Variants in API5 observed in about 807,000 individuals in gnomAD.
API5 encodes apoptosis inhibitor 5.
API5 carries 6 observed loss-of-function variants against 71.9 expected under a neutral mutation model. The ratio of observed to expected loss-of-function variants is 0.08; its 90% CI spans 0.05 to 0.16. The LOEUF (loss-of-function observed/expected upper bound fraction) is 0.16, where lower values mean the gene tolerates loss of function less well. Ranked by LOEUF, API5 falls within the 10% of genes least tolerant of loss-of-function variation. The probability of loss-of-function intolerance (pLI) is 1.00; values close to 1 mark genes in which losing one functional copy is unlikely to be tolerated. For missense variants in API5, 332 were observed against 612.8 expected (o/e 0.54, Z 4.84); for synonymous variants, 189 against 221.3 (o/e 0.85, Z 1.30).
rs1590279142 is a variant in API5, at chr11:43,342,650, A to G, written c.*140A>G. 3 of 844,562 alleles carry G rather than the reference A, an allele frequency of 3.6e-6. No individual in the cohort carries two copies. Among genetic ancestry groups the G allele is most frequent in the Non-Finnish European group, 5.9e-6 (3 of 510,128 alleles). 52.3% of individuals were successfully genotyped at this position (844,562 alleles called of 1,614,324 possible). On this transcript the variant is annotated 3_prime_UTR_variant, in exon 14 of 14. Coordinates refer to ENST00000531273, the MANE Select transcript of API5 (RefSeq NM_001142930.2). ...TAATGTTCTTTATACCTTTGTATGT[A>G]TGACCTACTTTTGTAACAGACCATG...
chr11:43,335,874 G>A lies in API5; in HGVS notation c.1372G>A (p.Glu458Lys), dbSNP rs778839124. 124 of 1,610,130 alleles carry A rather than the reference G, an allele frequency of 7.7e-5. No homozygotes were observed. The highest frequency in any genetic ancestry group is 9.7e-5 in the Non-Finnish European group (114 of 1,179,140). ...KVEIGQKRAS[E>K]DTTSGSPPKK... ...TTGTTACAGGCAAAAGAGAGCCAGT[G>A]AAGATACAACTTCAGGTTCACCACC... The change falls in exon 13 of 14, where the codon GAA (glutamate) becomes AAA (lysine). Residue 458 changes from glutamate (E) to lysine (K), a missense_variant. By Grantham distance (56) the Glu-to-Lys change is moderately conservative. This residue lies in a region of API5 where 168 missense variants were observed against 343.9 expected (regional missense o/e 0.49). Transcript: ENST00000531273.
chr11:43,336,135 TGAG>T (rs1855425898), intron 13 of API5, 141 bp downstream of exon 13: 1 of 1,123,616 alleles, frequency 8.9e-7, no homozygotes, highest in East Asian at 2.6e-5. Flanking sequence ...CTAGGGCTGT[TGAG>T]GAAATGATTT....
At chr11:43,341,680 A>G (rs894628163) in intron 13 of API5, among the ~76,000 whole-genome samples, 2 of 152,294 alleles carry the variant, frequency 1.3e-5, no homozygotes, top group African/African-American at 2.4e-5. Context: ...TAGCATGACT[A>G]TAGTTAATAT....
intron 13 of API5, among the ~76,000 whole-genome samples, chr11:43,338,086 A>C (rs1855494209): frequency 6.6e-6 from 1 of 152,230 alleles, no homozygotes; most frequent in African/African-American, 2.4e-5. Context: ...GGCAAAGCAA[A>C]GTAAACATGC....
intron 2 of API5, among the ~76,000 whole-genome samples, chr11:43,319,446 A>G (rs1276979650): frequency 6.6e-6 from 1 of 152,144 alleles, no homozygotes; most frequent in Non-Finnish European, 1.5e-5. Flanking sequence ...TGCTTTTTTA[A>G]TAGAAACAGG....
chr11:43,315,317 T>C (rs773972759), intron 1 of API5, among the ~76,000 whole-genome samples: 54 of 152,310 alleles, frequency 3.5e-4, no homozygotes, highest in Middle Eastern at 6.8e-3. Context: ...TAATAATGCT[T>C]CAGACTTGTA....
intron 13 of API5, among the ~76,000 whole-genome samples, chr11:43,340,388 A>G (rs1354323758): frequency 2.6e-5 from 4 of 152,152 alleles, no homozygotes; most frequent in Non-Finnish European, 5.9e-5. Context: ...TACAACTTCT[A>G]TCAAAATAAC....
At chr11:43,320,749 A>T (rs1854860513) in intron 2 of API5, 72 bp from the exon 3 acceptor site, 2 of 1,296,686 alleles carry the variant, frequency 1.5e-6, no homozygotes, top group African/African-American at 3.0e-5. Flanking sequence ...AAAAAAAGAA[A>T]GAAAAGAAAA....
intron 11 of API5, among the ~76,000 whole-genome samples, chr11:43,334,683 A>G (rs1855370322): frequency 6.6e-6 from 1 of 152,186 alleles, no homozygotes; most frequent in African/African-American, 2.4e-5. Context: ...ACATTCAGCA[A>G]ACATTTGCAT....
chr11:43,330,471 A>G, intron 10 of API5, 37 bp from the exon 11 acceptor site: 8 of 1,429,610 alleles, frequency 5.6e-6, no homozygotes, highest in Non-Finnish European at 7.9e-6. Context: ...CATAGAAGTT[A>G]TTGGCAATTT....
chr11:43,320,484 C>T (rs1483348650), intron 2 of API5, among the ~76,000 whole-genome samples: 1 of 151,898 alleles, frequency 6.6e-6, no homozygotes, highest in Non-Finnish European at 1.5e-5. Flanking sequence ...TGACTCATGC[C>T]TGTAATCCCA....
chr11:43,333,597 T>TA (rs1432916885), intron 11 of API5, among the ~76,000 whole-genome samples: 1 of 152,202 alleles, frequency 6.6e-6, no homozygotes, highest in Non-Finnish European at 1.5e-5. Flanking sequence ...CTACTATTAA[T>TA]ACATTAATAC....
chr11:43,340,544 T>G (rs1038324561), intron 13 of API5, among the ~76,000 whole-genome samples: 3 of 152,018 alleles, frequency 2.0e-5, no homozygotes, highest in Non-Finnish European at 4.4e-5. Flanking sequence ...AAATCAAAAA[T>G]GTAGTAACCA....
intron 11 of API5, among the ~76,000 whole-genome samples, chr11:43,334,217 A>C (rs746787263): frequency 2.0e-5 from 3 of 152,132 alleles, no homozygotes; most frequent in African/African-American, 4.8e-5. Context: ...TGCAATCTTT[A>C]CCTACCAGGC....
At chr11:43,328,569 A>C in intron 8 of API5, 143 bp from the exon 9 acceptor site, 1 of 704,580 alleles carries the variant, frequency 1.4e-6, no homozygotes, top group Non-Finnish European at 2.3e-6. Context: ...TGATCCAGTA[A>C]GTAAAAAAGA....
At chr11:43,319,728 A>G (rs946248401) in intron 2 of API5, among the ~76,000 whole-genome samples, 1 of 152,176 alleles carries the variant, frequency 6.6e-6, no homozygotes, top group East Asian at 1.9e-4. Flanking sequence ...TACATATTTT[A>G]TGTAAAAATC....
intron 13 of API5, among the ~76,000 whole-genome samples, chr11:43,338,648 TAAAAAAA>T (rs35510804): frequency 4.3e-4 from 42 of 96,988 alleles, no homozygotes; most frequent in East Asian, 2.1e-3. Flanking sequence ...CAATTGGAGG[TAAAAAAA>T]AAAAAAAAAA....
intron 1 of API5, among the ~76,000 whole-genome samples, chr11:43,317,634 A>G (rs1329998279): frequency 1.3e-5 from 2 of 152,152 alleles, no homozygotes; most frequent in African/African-American, 4.8e-5. Flanking sequence ...TGTTTAAGTA[A>G]ATACAGTGCA....
chr11:43,341,829 AATT>A (rs1436806771), intron 13 of API5, among the ~76,000 whole-genome samples: 1 of 152,162 alleles, frequency 6.6e-6, no homozygotes, highest in African/African-American at 2.4e-5. Context: ...GAATATGTAG[AATT>A]ATTATTCGTG....
Sources: allele counts gnomAD v4.1 joint callset (sites outside exome capture counted in the v4.1 genomes callset), GRCh38; gene constraint gnomAD v4.1.1; regional missense constraint gnomAD v4.1.1; transcripts MANE v1.5; gene names NCBI Gene and HGNC (gene_info 2026-07-23, HGNC 2026-07-21).